The following FRAS1 variants were observed in gnomAD, a reference collection of about 807,000 sequenced individuals.
FRAS1 encodes the protein extracellular matrix organizing protein FRAS1.
FRAS1 carries 290 observed loss-of-function variants against 435.2 expected under a neutral mutation model. The observed-to-expected ratio is 0.67, with a 90% CI of 0.61 to 0.73. FRAS1 has a LOEUF of 0.73. FRAS1 is among the 30% of genes least tolerant of loss of function. The pLI is 0.00. For missense variants in FRAS1, 4,860 were observed against 5,001.5 expected (o/e 0.97, Z 0.85); for synonymous variants, 1,800 against 1,851.0 (o/e 0.97, Z 0.71).
intron 46 of FRAS1, 70 bp downstream of exon 46, chr4:78,451,961 G>T: frequency 6.8e-7 from 1 of 1,481,444 alleles, no homozygotes; most frequent in East Asian, 2.4e-5. Context: ...TTTACACTTT[G>T]TTCACCTCGA....
intron 18 of FRAS1, among the ~76,000 whole-genome samples, chr4:78,332,563 C>CA (rs1451593431): frequency 6.6e-6 from 1 of 152,200 alleles, no homozygotes; most frequent in Non-Finnish European, 1.5e-5. Context: ...TAAGAATTCA[C>CA]ATGCATCAGC....
At chr4:78,257,929 C>T (rs1292099288) in intron 6 of FRAS1, among the ~76,000 whole-genome samples, 4 of 152,178 alleles carry the variant, frequency 2.6e-5, no homozygotes, top group Non-Finnish European at 5.9e-5. Flanking sequence ...TGTAGGCTCA[C>T]TGAAATTGTT....
At chr4:78,536,191 A>AT (rs11355997) in intron 71 of FRAS1, among the ~76,000 whole-genome samples, 21,179 of 104,036 alleles carry the variant, frequency 0.2, 2,765 homozygotes, top group African/African-American at 0.34. Flanking sequence ...TTGTACATGG[A>AT]TTTTTTTTTT....
At chr4:78,200,864 G>T (rs1358923542) in intron 2 of FRAS1, among the ~76,000 whole-genome samples, 2 of 75,034 alleles carry the variant, frequency 2.7e-5, no homozygotes, top group African/African-American at 1.2e-4. Context: ...TTTTCAGCAT[G>T]CCTTGAATAT....
intron 2 of FRAS1, among the ~76,000 whole-genome samples, chr4:78,186,483 A>C (rs1722274073): frequency 6.6e-6 from 1 of 152,208 alleles, no homozygotes; most frequent in Non-Finnish European, 1.5e-5. Flanking sequence ...TTTGAATCAC[A>C]TGAGGCTTAT....
chr4:78,262,181 C>T (rs560731635), intron 6 of FRAS1, among the ~76,000 whole-genome samples: 2 of 152,306 alleles, frequency 1.3e-5, no homozygotes, highest in Admixed American at 1.3e-4. Flanking sequence ...GAACAAAAAA[C>T]TCAGATCCTC....
At chr4:78,181,648 A>G (rs990697503) in intron 2 of FRAS1, 1 of 1,609,962 alleles carries the variant, frequency 6.2e-7, no homozygotes, top group Admixed American at 1.7e-5. Context: ...TTCGTTCACA[A>G]GGTGGTTGCC....
At chr4:78,494,621 C>T (rs1160783719) in intron 59 of FRAS1, among the ~76,000 whole-genome samples, 2 of 152,156 alleles carry the variant, frequency 1.3e-5, no homozygotes, top group African/African-American at 4.8e-5. Context: ...AAACATCTTC[C>T]ACCAGGCCCC....
At chr4:78,097,351 C>G (rs1218212558) in intron 2 of FRAS1, among the ~76,000 whole-genome samples, 3 of 152,224 alleles carry the variant, frequency 2.0e-5, no homozygotes, top group African/African-American at 7.2e-5. Flanking sequence ...CCAACCTCTG[C>G]CTGTTACCCA....
chr4:78,317,516 T>C lies in FRAS1; in HGVS notation c.1960+8T>C. ...ACCATGGAGTCTGCAAAGGTATCGTTGGTGTCACCATCATTCTTGAGAGGC... is the reference window on the plus strand; with the variant it reads ...ACCATGGAGTCTGCAAAGGTATCGTCGGTGTCACCATCATTCTTGAGAGGC... On this transcript the variant is annotated splice_region_variant and intron_variant, in intron 17 of 73. Coordinates refer to ENST00000512123, the MANE Select transcript of FRAS1 (RefSeq NM_025074.7). 6.2e-7 allele frequency: 1 copy of C among 1,609,016 alleles called. No individual in the cohort carries two copies. The highest frequency in any genetic ancestry group is 1.1e-5 in the South Asian group (1 of 89,764).
chr4:78,253,071 A>T (rs1725619556), intron 5 of FRAS1, among the ~76,000 whole-genome samples: 1 of 152,122 alleles, frequency 6.6e-6, no homozygotes, highest in African/African-American at 2.4e-5. Context: ...TATCGCAACC[A>T]CATAAGACAG....
intron 4 of FRAS1, among the ~76,000 whole-genome samples, chr4:78,251,591 G>T (rs145546878): frequency 1.7e-3 from 259 of 152,254 alleles, no homozygotes; most frequent in African/African-American, 6.1e-3. Context: ...GGGTAACACT[G>T]TTCTACTCTG....
intron 18 of FRAS1, chr4:78,319,222 G>C (rs980520632): frequency 1.8e-6 from 1 of 549,354 alleles, no homozygotes. Context: ...CTTTTCCAAG[G>C]TTCCATTCGC....
intron 35 of FRAS1, among the ~76,000 whole-genome samples, chr4:78,425,366 G>A (rs1733959052): frequency 6.6e-6 from 1 of 152,164 alleles, no homozygotes; most frequent in Non-Finnish European, 1.5e-5. Context: ...CAAAAGCAGA[G>A]TCAGACCTGG....
At chr4:78,130,518 T>TC (rs369412558) in intron 2 of FRAS1, among the ~76,000 whole-genome samples, 98 of 152,200 alleles carry the variant, frequency 6.4e-4, no homozygotes, top group African/African-American at 2.2e-3. Flanking sequence ...ATCAACTTTT[T>TC]CCCCCCATTT....
chr4:78,376,336 A>G (rs1560690481), intron 26 of FRAS1, among the ~76,000 whole-genome samples: 1 of 152,204 alleles, frequency 6.6e-6, no homozygotes, highest in African/African-American at 2.4e-5. Flanking sequence ...AATATAGGCT[A>G]CAAACCTGTA....
intron 30 of FRAS1, among the ~76,000 whole-genome samples, chr4:78,402,211 A>G (rs997500379): frequency 3.9e-5 from 6 of 152,218 alleles, no homozygotes; most frequent in Non-Finnish European, 8.8e-5. Flanking sequence ...AATGAAAATT[A>G]TAGCCATTAA....
intron 2 of FRAS1, among the ~76,000 whole-genome samples, chr4:78,127,224 G>A (rs1719411883): frequency 6.6e-6 from 1 of 152,220 alleles, no homozygotes; most frequent in Middle Eastern, 3.4e-3. Context: ...GAACTGGAAG[G>A]ATTTCAGAAT....
At chr4:78,144,640 T>C (rs1720342393) in intron 2 of FRAS1, among the ~76,000 whole-genome samples, 1 of 152,160 alleles carries the variant, frequency 6.6e-6, no homozygotes, top group African/African-American at 2.4e-5. Flanking sequence ...AAATCCCAGA[T>C]AACAATTGTT....
Sources: gnomAD v4.1 joint callset for allele counts (sites outside exome capture counted in the v4.1 genomes callset) on GRCh38, gnomAD v4.1.1 for gene constraint, MANE v1.5 for transcripts, NCBI Gene and HGNC (gene_info 2026-07-23, HGNC 2026-07-21) for gene names.